Variants in CEP85L observed in about 807,000 individuals in gnomAD.
The protein encoded by CEP85L is centrosomal protein 85L.
Under a neutral mutation model 100.3 loss-of-function variants are expected in CEP85L, and 60 were observed. The ratio of observed to expected loss-of-function variants is 0.60; its 90% CI spans 0.49 to 0.74. The LOEUF (loss-of-function observed/expected upper bound fraction) is 0.74. Among genes scored for constraint, CEP85L ranks in the 30% least tolerant of loss-of-function variants. CEP85L has a pLI of 0.00. For synonymous variants in CEP85L, 319 were observed against 322.7 expected, an observed-to-expected ratio of 0.99 and a Z score of 0.12; for missense variants, 973 against 936.2, an observed-to-expected ratio of 1.04 and a Z score of -0.51.
intron 2 of CEP85L, among the ~76,000 whole-genome samples, chr6:118,606,488 A>G (rs902044735): frequency 1.3e-5 from 2 of 152,238 alleles, no homozygotes; most frequent in African/African-American, 4.8e-5. Flanking sequence ...GAACAAGTCT[A>G]CAGTAGTTAA....
chr6:118,701,863 A>G (rs1777418047), intron 1 of CEP85L, among the ~76,000 whole-genome samples: 1 of 152,224 alleles, frequency 6.6e-6, no homozygotes, highest in South Asian at 2.1e-4. Context: ...TTCTAATAAC[A>G]TTTACTCCTA....
At chr6:118,519,456 GTGTGTGTGTGTGTGT>G (rs1399339759) in intron 4 of CEP85L, among the ~76,000 whole-genome samples, 6 of 65,594 alleles carry the variant, frequency 9.1e-5, no homozygotes, top group Non-Finnish European at 1.7e-4. Context: ...GTGTGTGTGT[GTGTGTGTGTGTGTGT>G]GTGGCGGGGG....
intron 10 of CEP85L, among the ~76,000 whole-genome samples, chr6:118,478,502 T>C (rs1773551125): frequency 1.3e-5 from 2 of 152,044 alleles, no homozygotes; most frequent in Non-Finnish European, 2.9e-5. Flanking sequence ...AAAACCTTGA[T>C]GGTCAGAATG....
intron 2 of CEP85L, among the ~76,000 whole-genome samples, chr6:118,571,811 T>C (rs769955478): frequency 3.0e-4 from 45 of 152,306 alleles, no homozygotes; most frequent in Middle Eastern, 6.8e-3. Flanking sequence ...AAATATTTTA[T>C]TTTTTAAATA....
intron 5 of CEP85L, among the ~76,000 whole-genome samples, chr6:118,508,714 CTTAT>C (rs1285973988): frequency 1.3e-5 from 2 of 151,972 alleles, no homozygotes; most frequent in Non-Finnish European, 2.9e-5. Context: ...ATTTTACTGA[CTTAT>C]TTACTCTAGA....
At chr6:118,659,591 T>C (rs1054653373) in intron 1 of CEP85L, among the ~76,000 whole-genome samples, 3 of 152,226 alleles carry the variant, frequency 2.0e-5, no homozygotes, top group African/African-American at 4.8e-5. Flanking sequence ...GCAGTAGTTA[T>C]AGTGACACTA....
At chr6:118,500,989 A>T (rs1168047718) in intron 5 of CEP85L, among the ~76,000 whole-genome samples, 1 of 152,104 alleles carries the variant, frequency 6.6e-6, no homozygotes, top group Non-Finnish European at 1.5e-5. Flanking sequence ...GTCCTCTTCA[A>T]TTCTGCTTTC....
intron 5 of CEP85L, among the ~76,000 whole-genome samples, chr6:118,496,171 G>C (rs1036703789): frequency 1.3e-5 from 2 of 152,044 alleles, no homozygotes; most frequent in African/African-American, 4.8e-5. Context: ...AGAAATGCTG[G>C]CTAGCTGAAA....
intron 10 of CEP85L, among the ~76,000 whole-genome samples, chr6:118,478,670 T>C (rs575054374): frequency 2.0e-5 from 3 of 152,300 alleles, no homozygotes; most frequent in African/African-American, 4.8e-5. Context: ...ATAGTTTGAA[T>C]AAAAGATTTG....
At chr6:118,629,961 T>C (rs1382480024) in intron 2 of CEP85L, among the ~76,000 whole-genome samples, 1 of 152,206 alleles carries the variant, frequency 6.6e-6, no homozygotes, top group Non-Finnish European at 1.5e-5. Context: ...CCTGTTTTTA[T>C]AGTTTCAACA....
intron 3 of CEP85L, among the ~76,000 whole-genome samples, chr6:118,525,258 A>G (rs1304636415): frequency 2.6e-5 from 4 of 152,228 alleles, no homozygotes; most frequent in Non-Finnish European, 4.4e-5. Flanking sequence ...AAATAAACCA[A>G]CGGTAGAAAC....
intron 3 of CEP85L, chr6:118,558,933 C>T: frequency 6.2e-7 from 1 of 1,613,836 alleles, no homozygotes; most frequent in Non-Finnish European, 8.5e-7. Flanking sequence ...TGGAGAAAGT[C>T]CAATACCTCA....
intron 1 of CEP85L, among the ~76,000 whole-genome samples, chr6:118,703,191 CTTTAT>C (rs1777480695): frequency 6.6e-6 from 1 of 151,844 alleles, no homozygotes; most frequent in Non-Finnish European, 1.5e-5. Context: ...GTAGTTCTTT[CTTTAT>C]TTTATTTATT....
chr6:118,556,957 A>T (rs1481359199), intron 3 of CEP85L, among the ~76,000 whole-genome samples: 1 of 152,208 alleles, frequency 6.6e-6, no homozygotes, highest in Non-Finnish European at 1.5e-5. Context: ...CCCCACAGGC[A>T]GCAATAGCTT....
At position 118,555,320 on chromosome 6, in the gene CEP85L, C is replaced by A. The variant is rs376057732; in HGVS notation, c.1020+10209G>T. ...GCGGGCACCTGTAGTCCCAGCTACT[C>A]GGGAGGCTAAGGCAGGAGAATGGCG... is the stretch of plus-strand genomic sequence containing the variant. On this transcript the variant is annotated intron_variant, in intron 3 of 12. Coordinates refer to ENST00000368491, the MANE Select transcript of CEP85L (RefSeq NM_001042475.3). Among the ~76,000 whole-genome samples the A allele has an allele frequency of 1.0e-3, 155 of 150,248 alleles. 1 individual carries two copies. The highest frequency in any genetic ancestry group is 3.1e-4 in the Non-Finnish European group (21 of 67,732).
intron 6 of CEP85L, among the ~76,000 whole-genome samples, chr6:118,489,160 G>A (rs572845228): frequency 9.2e-5 from 14 of 151,682 alleles, no homozygotes; most frequent in African/African-American, 3.2e-4. Context: ...CCAGCTACTC[G>A]GGAGGCTGAA....
intron 4 of CEP85L, among the ~76,000 whole-genome samples, chr6:118,520,106 G>C (rs1776570514): frequency 6.6e-6 from 1 of 152,150 alleles, no homozygotes; most frequent in Non-Finnish European, 1.5e-5. Context: ...AATGGTGAAA[G>C]GCTGAAGACT....
chr6:118,631,668 G>A (rs1347709101), intron 2 of CEP85L, among the ~76,000 whole-genome samples: 1 of 152,278 alleles, frequency 6.6e-6, no homozygotes, highest in East Asian at 1.9e-4. Flanking sequence ...GTTGATACAT[G>A]TAACAACTGG....
intron 3 of CEP85L, among the ~76,000 whole-genome samples, chr6:118,549,849 A>G (rs1159302638): frequency 6.6e-6 from 1 of 151,914 alleles, no homozygotes; most frequent in Non-Finnish European, 1.5e-5. Context: ...TGGATAGAGC[A>G]GAAATTATAT....
Sources: gnomAD v4.1 joint callset for allele counts (sites outside exome capture counted in the v4.1 genomes callset) on GRCh38, gnomAD v4.1.1 for gene constraint, MANE v1.5 for transcripts, NCBI Gene and HGNC (gene_info 2026-07-23, HGNC 2026-07-21) for gene names.